ATP9B: variants seen among roughly 807,000 people sequenced by gnomAD.
ATP9B encodes the protein probable phospholipid-transporting ATPase IIB.
A neutral mutation model predicts 146.1 loss-of-function variants in ATP9B; 110 were observed. That is an observed-to-expected ratio of 0.75 (90% CI 0.65 to 0.88). The LOEUF is 0.88. ATP9B is among the 40% of genes least tolerant of loss of function. The pLI, the probability that ATP9B is intolerant of heterozygous loss-of-function variation, is 0.00. For synonymous variants in ATP9B, 604 were observed against 569.7 expected, an observed-to-expected ratio of 1.06 and a Z score of -0.86; for missense variants, 1,499 against 1,496.4, an observed-to-expected ratio of 1.00 and a Z score of -0.03.
intron 11 of ATP9B, among the ~76,000 whole-genome samples, chr18:79,226,704 G>T (rs578159401): frequency 6.6e-6 from 1 of 152,212 alleles, no homozygotes; most frequent in Non-Finnish European, 1.5e-5. Flanking sequence ...AAGCCAGGAG[G>T]ATCTGAAGAG....
In ATP9B at chr18:79,113,356, T is replaced by C. The variant is rs771991108; in HGVS notation, c.558+2T>C. 6.7e-7 allele frequency: 1 copy of C among 1,483,252 alleles called. No homozygotes were observed. Among genetic ancestry groups the C allele is most frequent in the Non-Finnish European group, 9.3e-7 (1 of 1,076,572 alleles). The allele number at this position is 1,483,252 out of a possible 1,614,324, so 91.9% of individuals were successfully genotyped here. ...CTCTACACCTACTGGGCTCCTCTGG[T>C]AAGAAAAGACTTTAAAAATTAAGTT... On this transcript the variant is annotated splice_donor_variant, in intron 4 of 29. Coordinates refer to ENST00000426216, the MANE Select transcript of ATP9B (RefSeq NM_198531.5). LOFTEE classifies it high-confidence loss of function.
rs150403418 is a variant in ATP9B at position 79,230,575 on chromosome 18, A to T, written c.1107+16537A>T. Among the ~76,000 whole-genome samples the T allele has an allele frequency of 2.4e-3, 366 of 152,348 alleles. 2 individuals carry two copies. The highest frequency in any genetic ancestry group is 6.4e-3 in the South Asian group (31 of 4,832). ...ATACTGCTGAAAGAAATCATAGATGACACAGACAAATGGAAACACATCCCA... is the reference window on the plus strand; with the variant it reads ...ATACTGCTGAAAGAAATCATAGATGTCACAGACAAATGGAAACACATCCCA... On this transcript the variant is annotated intron_variant, in intron 11 of 29. Transcript: ENST00000426216.
At chr18:79,251,291 C>T (rs550494226) in intron 11 of ATP9B, among the ~76,000 whole-genome samples, 5 of 152,330 alleles carry the variant, frequency 3.3e-5, no homozygotes, top group South Asian at 2.1e-4. Flanking sequence ...AGTCCCATGG[C>T]TTTAGGGTCC....
intron 23 of ATP9B, 47 bp downstream of exon 23, chr18:79,345,886 T>A: frequency 6.3e-7 from 1 of 1,597,194 alleles, no homozygotes; most frequent in Non-Finnish European, 8.6e-7. Context: ...TCAGCACACA[T>A]CAACACGACT....
At chr18:79,373,622 T>G (rs2097086172) in intron 27 of ATP9B, among the ~76,000 whole-genome samples, 1 of 152,164 alleles carries the variant, frequency 6.6e-6, no homozygotes, top group Non-Finnish European at 1.5e-5. Context: ...CCCCAGTAGC[T>G]GGGATTACAG....
chr18:79,223,337 A>AT (rs1387670370), intron 11 of ATP9B, among the ~76,000 whole-genome samples: 1 of 152,126 alleles, frequency 6.6e-6, no homozygotes, highest in Non-Finnish European at 1.5e-5. Context: ...AAAATAACTT[A>AT]TTTTTATCTT....
chr18:79,373,491 C>CTTTT (rs59813494), intron 27 of ATP9B, among the ~76,000 whole-genome samples: 5 of 127,770 alleles, frequency 3.9e-5, no homozygotes, highest in Admixed American at 7.9e-5. Flanking sequence ...CATTATCCGC[C>CTTTT]TTTTTTTTTT....
At chr18:79,169,811 G>C (rs1243756660) in intron 7 of ATP9B, among the ~76,000 whole-genome samples, 1 of 152,142 alleles carries the variant, frequency 6.6e-6, no homozygotes, top group Admixed American at 6.5e-5. Flanking sequence ...GAATGGCTTA[G>C]AAATGACCAC....
At position 79,372,871 on chromosome 18, in the gene ATP9B, G is replaced by A; in HGVS notation, c.3059G>A (p.Ser1020Asn). Residue 1020 changes from serine (S) to asparagine (N), a missense_variant, in exon 27 of 30, where the codon AGT (serine) becomes AAT (asparagine). By Grantham distance (46) the Ser-to-Asn change is conservative. Transcript: ENST00000426216. ...FKTFLIWVLISIYQGGILMYG... is the reference protein window; with the variant it reads ...FKTFLIWVLINIYQGGILMYG... ...ACCTTCCTCATCTGGGTTTTAATAA[G>A]TATTTACCAAGGTAAGACGAGATCC... 1.9e-6 allele frequency: 3 copies of A among 1,609,062 alleles called. No individual in the cohort carries two copies. Among genetic ancestry groups the A allele is most frequent in the Non-Finnish European group, 1.7e-6 (2 of 1,175,378 alleles).
chr18:79,113,304 T>A lies in ATP9B; in HGVS notation c.508T>A (p.Phe170Ile). The change falls in exon 4 of 30, where the codon TTT becomes ATT. Residue 170 changes from phenylalanine to isoleucine, a missense_variant. Transcript: ENST00000426216. Reference protein sequence around the residue: ...LYFLVISCSQFVPALKIGYLY... With the variant: ...LYFLVISCSQIVPALKIGYLY... ...TTTTCTAGTAATATCCTGCTCACAG[T>A]TTGTACCAGCATTGAAAATAGGCTA... is the stretch of plus-strand genomic sequence containing the variant. 6 of 1,602,624 alleles carry A rather than the reference T, an allele frequency of 3.7e-6. No homozygotes were observed. The highest frequency in any genetic ancestry group is 5.1e-6 in the Non-Finnish European group (6 of 1,171,098).
intron 7 of ATP9B, among the ~76,000 whole-genome samples, chr18:79,158,314 C>T (rs2094826641): frequency 6.6e-6 from 1 of 151,840 alleles, no homozygotes; most frequent in Non-Finnish European, 1.5e-5. Flanking sequence ...TGCTTTGTTA[C>T]CCAGGCTGGA....
At chr18:79,273,075 C>T (rs1026534957) in intron 12 of ATP9B, among the ~76,000 whole-genome samples, 2 of 152,104 alleles carry the variant, frequency 1.3e-5, no homozygotes, top group African/African-American at 2.4e-5. Flanking sequence ...CCGTGCCAGT[C>T]GTTATGATGG....
chr18:79,198,866 A>G (rs756058792), intron 9 of ATP9B, among the ~76,000 whole-genome samples: 29 of 152,348 alleles, frequency 1.9e-4, no homozygotes, highest in Non-Finnish European at 3.2e-4. Context: ...ACACTACTGT[A>G]AACTTTTTAA....
At chr18:79,286,286 T>A (rs2096440461) in intron 13 of ATP9B, among the ~76,000 whole-genome samples, 1 of 152,156 alleles carries the variant, frequency 6.6e-6, no homozygotes, top group South Asian at 2.1e-4. Flanking sequence ...TATCCTCTTT[T>A]ATTTCATTGA....
rs553842604 is a variant in ATP9B at position 79,230,673 on chromosome 18, A to G, written c.1107+16635A>G. 5.6e-4 allele frequency among the ~76,000 whole-genome samples: 85 copies of G among 152,144 alleles called. 1 individual carries two copies. The highest frequency in any genetic ancestry group is 9.0e-4 in the Non-Finnish European group (61 of 68,020). Reference sequence around the variant, plus strand: ...AAAAGTAATCTACAAATTCAATACAATTCTCCTCAGAATACACCATTATTC... The same window carrying G: ...AAAAGTAATCTACAAATTCAATACAGTTCTCCTCAGAATACACCATTATTC... On this transcript the variant is annotated intron_variant, in intron 11 of 29. Transcript: ENST00000426216.
At chr18:79,237,018 G>A (rs1599158198) in intron 11 of ATP9B, among the ~76,000 whole-genome samples, 4 of 42,786 alleles carry the variant, frequency 9.3e-5, no homozygotes, top group South Asian at 1.7e-3. Context: ...CTGTGTACAC[G>A]GTCCGTGCAC....
At chr18:79,280,582 T>A (rs542043078) in intron 13 of ATP9B, among the ~76,000 whole-genome samples, 2 of 152,314 alleles carry the variant, frequency 1.3e-5, no homozygotes, top group African/African-American at 4.8e-5. Flanking sequence ...CTCTTTTTTT[T>A]ATTGATTAGC....
chr18:79,129,016 A>G (rs573039243), intron 5 of ATP9B, among the ~76,000 whole-genome samples: 1 of 152,182 alleles, frequency 6.6e-6, no homozygotes, highest in Non-Finnish European at 1.5e-5. Context: ...GCTTATTCCA[A>G]ATAATTGTTT....
At chr18:79,304,934 A>C (rs1225527058) in intron 14 of ATP9B, among the ~76,000 whole-genome samples, 1 of 152,232 alleles carries the variant, frequency 6.6e-6, no homozygotes, top group Non-Finnish European at 1.5e-5. Flanking sequence ...TCCACATAAT[A>C]ATGAGCTAAG....
Sources: gnomAD v4.1 joint callset for allele counts (sites outside exome capture counted in the v4.1 genomes callset) on GRCh38, gnomAD v4.1.1 for gene constraint, MANE v1.5 for transcripts, NCBI Gene and HGNC (gene_info 2026-07-23, HGNC 2026-07-21) for gene names.